The following NDUFS4 variants were observed in gnomAD, a reference collection of about 807,000 sequenced individuals.
NDUFS4 encodes the protein NADH dehydrogenase [ubiquinone] iron-sulfur protein 4, mitochondrial.
In NDUFS4, 28 loss-of-function variants were observed where a neutral mutation model predicts 24.3. The observed-to-expected ratio is 1.15, with a 90% CI of 0.85 to 1.58. The LOEUF is 1.58. NDUFS4 is among the 40% of genes most tolerant of loss of function. The pLI, the probability that NDUFS4 is intolerant of heterozygous loss-of-function variation, is 0.00. For missense variants in NDUFS4, 223 were observed against 207.9 expected (o/e 1.07, Z -0.45); for synonymous variants, 93 against 69.7 (o/e 1.34, Z -1.67).
intron 1 of NDUFS4, among the ~76,000 whole-genome samples, chr5:53,580,280 TA>T (rs767690580): frequency 7.2e-5 from 11 of 152,206 alleles, no homozygotes; most frequent in Non-Finnish European, 1.3e-4. Context: ...TAAAAACAGT[TA>T]AAAATGCAAG....
At chr5:53,680,676 C>T (rs1414064853) in intron 4 of NDUFS4, among the ~76,000 whole-genome samples, 1 of 151,576 alleles carries the variant, frequency 6.6e-6, no homozygotes, top group Non-Finnish European at 1.5e-5. Context: ...AGGGGAACAT[C>T]ACATTCTGGG....
At chr5:53,571,144 C>A (rs1749198010) in intron 1 of NDUFS4, among the ~76,000 whole-genome samples, 1 of 152,072 alleles carries the variant, frequency 6.6e-6, no homozygotes, top group African/African-American at 2.4e-5. Context: ...AATTGTACAA[C>A]CAAAACCACA....
chr5:53,562,514 C>T (rs1025185289), intron 1 of NDUFS4, among the ~76,000 whole-genome samples: 2 of 152,056 alleles, frequency 1.3e-5, no homozygotes, highest in Non-Finnish European at 2.9e-5. Flanking sequence ...CATATCCAAA[C>T]TTAAGAGTTT....
At chr5:53,631,722 C>T (rs1404937838) in intron 2 of NDUFS4, among the ~76,000 whole-genome samples, 6 of 152,188 alleles carry the variant, frequency 3.9e-5, no homozygotes, top group Non-Finnish European at 7.3e-5. Context: ...GGACTCCACT[C>T]CCACCACCAA....
chr5:53,681,118 T>C (rs1740650635), intron 4 of NDUFS4, among the ~76,000 whole-genome samples: 1 of 152,084 alleles, frequency 6.6e-6, no homozygotes, highest in Non-Finnish European at 1.5e-5. Flanking sequence ...TGAATCAAAT[T>C]TGAGGACCAA....
At chr5:53,577,921 A>G (rs1412349025) in intron 1 of NDUFS4, among the ~76,000 whole-genome samples, 8 of 152,184 alleles carry the variant, frequency 5.3e-5, no homozygotes, top group Admixed American at 3.3e-4. Context: ...GGTATCCTAG[A>G]TGATCTAATT....
intron 4 of NDUFS4, among the ~76,000 whole-genome samples, chr5:53,664,445 C>CT (rs1258416277): frequency 6.6e-6 from 1 of 152,172 alleles, no homozygotes; most frequent in East Asian, 1.9e-4. Flanking sequence ...TGGTTCCATT[C>CT]TCCCCGTCAC....
chr5:53,595,976 T>A (rs936518551), intron 1 of NDUFS4, among the ~76,000 whole-genome samples: 2 of 152,232 alleles, frequency 1.3e-5, no homozygotes, highest in African/African-American at 4.8e-5. Flanking sequence ...AGATGAAGAT[T>A]AGAAATTACT....
intron 1 of NDUFS4, among the ~76,000 whole-genome samples, chr5:53,571,333 T>C (rs1432819487): frequency 6.6e-6 from 1 of 152,230 alleles, no homozygotes; most frequent in East Asian, 1.9e-4. Flanking sequence ...GTTAGCATAA[T>C]GTTTTCAAGG....
intron 1 of NDUFS4, among the ~76,000 whole-genome samples, chr5:53,592,120 A>G (rs894314262): frequency 2.0e-5 from 3 of 151,788 alleles, no homozygotes; most frequent in African/African-American, 7.3e-5. Flanking sequence ...TTGTATTTTT[A>G]GTAGAGATGA....
intron 2 of NDUFS4, among the ~76,000 whole-genome samples, chr5:53,635,184 CT>C (rs1465981752): frequency 7.5e-6 from 1 of 133,834 alleles, no homozygotes; most frequent in Non-Finnish European, 1.6e-5. Context: ...AGCAAAAACT[CT>C]GTTAAATAAA....
chr5:53,620,680 G>A (rs1751006247), intron 2 of NDUFS4, among the ~76,000 whole-genome samples: 2 of 152,058 alleles, frequency 1.3e-5, no homozygotes, highest in Admixed American at 1.3e-4. Context: ...CTATGTTTTT[G>A]TTTTGTTATA....
intron 2 of NDUFS4, among the ~76,000 whole-genome samples, chr5:53,620,315 A>G (rs926977799): frequency 6.6e-6 from 1 of 152,164 alleles, no homozygotes; most frequent in Non-Finnish European, 1.5e-5. Context: ...TACCTAATAG[A>G]TAAATACCAT....
intron 1 of NDUFS4, among the ~76,000 whole-genome samples, chr5:53,566,457 C>T (rs976392431): frequency 4.6e-5 from 7 of 152,172 alleles, no homozygotes; most frequent in Non-Finnish European, 1.0e-4. Flanking sequence ...TGTATTATCT[C>T]ATGTGTTTCC....
At position 53,638,719 on chromosome 5, in the gene NDUFS4, A is replaced by G. The variant is rs374207666; in HGVS notation, c.178-7514A>G. 4.6e-5 allele frequency among the ~76,000 whole-genome samples: 7 copies of G among 152,244 alleles called. No homozygotes were observed. In the South Asian group the frequency reaches 6.2e-4, roughly 14 times the overall value. ...CTAAAATAAAAGTTAAAAAAAAATT[A>G]TCTTGATAAAACACAAAATCTTTGT... is the stretch of plus-strand genomic sequence containing the variant. On this transcript the variant is annotated intron_variant, in intron 2 of 4. Transcript: ENST00000296684.
chr5:53,600,076 TG>T, intron 1 of NDUFS4, among the ~76,000 whole-genome samples: 1 of 152,244 alleles, frequency 6.6e-6, no homozygotes, highest in Admixed American at 6.5e-5. Context: ...CTCAGCTCAC[TG>T]CAGCCTCCAC....
chr5:53,665,611 A>G (rs1752489367), intron 4 of NDUFS4, among the ~76,000 whole-genome samples: 1 of 152,224 alleles, frequency 6.6e-6, no homozygotes, highest in African/African-American at 2.4e-5. Flanking sequence ...TTGTGGGCAT[A>G]GGACCCTCCG....
intron 2 of NDUFS4, among the ~76,000 whole-genome samples, chr5:53,630,262 T>G (rs1278200538): frequency 6.6e-6 from 1 of 152,230 alleles, no homozygotes; most frequent in African/African-American, 2.4e-5. Flanking sequence ...GTTAGTCTGA[T>G]GGGCTTCCCT....
At chr5:53,620,640 T>C (rs972046838) in intron 2 of NDUFS4, among the ~76,000 whole-genome samples, 1 of 152,210 alleles carries the variant, frequency 6.6e-6, no homozygotes, top group African/African-American at 2.4e-5. Context: ...GAGGAAGTTA[T>C]GAAACTTTCT....
Sources: allele counts gnomAD v4.1 joint callset (sites outside exome capture counted in the v4.1 genomes callset), GRCh38; gene constraint gnomAD v4.1.1; transcripts MANE v1.5; gene names NCBI Gene and HGNC (gene_info 2026-07-23, HGNC 2026-07-21).